The following PBX3 variants were observed in gnomAD, a reference collection of about 807,000 sequenced individuals.
PBX3 encodes PBX homeobox 3.
Under a neutral mutation model 48.5 loss-of-function variants are expected in PBX3, and 14 were observed. The ratio of observed to expected loss-of-function variants is 0.29; its 90% CI spans 0.19 to 0.45. The LOEUF is 0.45. Ranked by LOEUF, PBX3 falls within the 20% of genes least tolerant of loss-of-function variation. The probability of loss-of-function intolerance (pLI) is 1.00; values close to 1 mark genes in which losing one functional copy is unlikely to be tolerated. For missense variants in PBX3, 386 were observed against 546.7 expected, an observed-to-expected ratio of 0.71 and a Z score of 2.93; for synonymous variants, 210 against 200.3, an observed-to-expected ratio of 1.05 and a Z score of -0.41.
At chr9:125,911,833 T>C (rs543430492) in intron 2 of PBX3, among the ~76,000 whole-genome samples, 16 of 152,314 alleles carry the variant, frequency 1.1e-4, no homozygotes, top group African/African-American at 3.6e-4. Context: ...TAATGTACTC[T>C]TTACTAAGTA....
At chr9:125,763,492 G>A (rs1421568430) in intron 2 of PBX3, among the ~76,000 whole-genome samples, 2 of 152,196 alleles carry the variant, frequency 1.3e-5, no homozygotes, top group Non-Finnish European at 2.9e-5. Context: ...CTTGTTACAT[G>A]GAAGGGTTGG....
intron 2 of PBX3, among the ~76,000 whole-genome samples, chr9:125,805,745 C>T (rs1344402187): frequency 6.6e-6 from 1 of 152,074 alleles, no homozygotes; most frequent in African/African-American, 2.4e-5. Context: ...ATAGAAAGTA[C>T]AGTGGGAATA....
At chr9:125,835,430 A>G (rs1839103922) in intron 2 of PBX3, among the ~76,000 whole-genome samples, 1 of 152,144 alleles carries the variant, frequency 6.6e-6, no homozygotes. Context: ...CAAAGAGACC[A>G]CCTACAGAAT....
At chr9:125,916,599 A>G (rs1841340612) in intron 3 of PBX3, among the ~76,000 whole-genome samples, 1 of 152,238 alleles carries the variant, frequency 6.6e-6, no homozygotes, top group Admixed American at 6.5e-5. Flanking sequence ...ATCTTTATGT[A>G]ACACCAAGAA....
At chr9:125,941,354 ACTTGGG>A (rs1476438381) in intron 5 of PBX3, among the ~76,000 whole-genome samples, 1 of 152,186 alleles carries the variant, frequency 6.6e-6, no homozygotes, top group Non-Finnish European at 1.5e-5. Flanking sequence ...CATGGTGATG[ACTTGGG>A]CTTTCACTGT....
At chr9:125,895,258 A>G (rs996247258) in intron 2 of PBX3, among the ~76,000 whole-genome samples, 3 of 152,134 alleles carry the variant, frequency 2.0e-5, no homozygotes, top group African/African-American at 7.2e-5. Context: ...GTGATAAGAC[A>G]TACCTGTAAG....
chr9:125,895,388 AT>A (rs991914854), intron 2 of PBX3, among the ~76,000 whole-genome samples: 4 of 152,108 alleles, frequency 2.6e-5, no homozygotes, highest in African/African-American at 9.6e-5. Context: ...TGATATACAA[AT>A]TTTGAAGTAT....
At chr9:125,824,167 A>G (rs1324510365) in intron 2 of PBX3, among the ~76,000 whole-genome samples, 1 of 152,078 alleles carries the variant, frequency 6.6e-6, no homozygotes, top group Non-Finnish European at 1.5e-5. Flanking sequence ...TACTATTATT[A>G]TTTTTAGCTT....
At chr9:125,797,279 T>G (rs936718844) in intron 2 of PBX3, 1 of 152,158 alleles carries the variant, frequency 6.6e-6, no homozygotes, top group East Asian at 1.9e-4. Context: ...TTCAGTAAAA[T>G]TTAAATTACT....
chr9:125,935,520 A>G lies in PBX3; in HGVS notation c.756A>G (p.Glu252=), dbSNP rs1415140828. The stretch of plus-strand genomic sequence containing the variant: ...AACAGGCCACAGAAATCTTGAATGA[A>G]TATTTTTACTCACACCTCAGCAACC... ...FSKQATEILN[E]YFYSHLSNPY... The change falls in exon 5 of 9, where the codon GAA becomes GAG. Residue 252 remains glutamate, a synonymous_variant. Transcript: ENST00000373489. 6.2e-7 allele frequency: 1 copy of G among 1,613,798 alleles called. No individual in the cohort carries two copies. The highest frequency in any genetic ancestry group is 8.5e-7 in the Non-Finnish European group (1 of 1,179,754).
intron 2 of PBX3, among the ~76,000 whole-genome samples, chr9:125,799,287 C>A (rs140646202): frequency 3.0e-3 from 450 of 152,206 alleles, no homozygotes; most frequent in Non-Finnish European, 3.7e-3. Context: ...CCAAGGTGGG[C>A]GGATCATGTG....
At chr9:125,794,564 A>T (rs991841268) in intron 2 of PBX3, among the ~76,000 whole-genome samples, 1 of 151,926 alleles carries the variant, frequency 6.6e-6, no homozygotes, top group African/African-American at 2.4e-5. Flanking sequence ...CTATGTCACC[A>T]TTTTCAATTT....
chr9:125,872,789 C>T (rs1361582014), intron 2 of PBX3, among the ~76,000 whole-genome samples: 2 of 150,900 alleles, frequency 1.3e-5, no homozygotes, highest in Non-Finnish European at 3.0e-5. Context: ...TAATAATAAA[C>T]ATTTCTAGAG....
intron 4 of PBX3, among the ~76,000 whole-genome samples, chr9:125,934,048 T>C (rs981586714): frequency 1.3e-5 from 2 of 152,224 alleles, no homozygotes; most frequent in South Asian, 4.1e-4. Flanking sequence ...CACCTCCCCA[T>C]CCAGTTCATC....
At chr9:125,840,699 T>A (rs1427454541) in intron 2 of PBX3, among the ~76,000 whole-genome samples, 1 of 152,084 alleles carries the variant, frequency 6.6e-6, no homozygotes, top group African/African-American at 2.4e-5. Flanking sequence ...TAAAATATGC[T>A]ATATGTCTTT....
intron 2 of PBX3, among the ~76,000 whole-genome samples, chr9:125,784,326 G>T (rs773746770): frequency 6.6e-6 from 1 of 151,908 alleles, no homozygotes; most frequent in African/African-American, 2.4e-5. Context: ...ACGGGGTTTC[G>T]CCATGTTGGC....
In PBX3 at chr9:125,803,420, TA is replaced by T. The variant is rs541416205; in HGVS notation, c.274+54808del. ...ATGTCTTTTATAAGAAAAGTAAAAG[TA>T]AAAAAAAAAATTATTTTCCAGGATT... is the stretch of plus-strand genomic sequence containing the variant. On this transcript the variant is annotated intron_variant, in intron 2 of 8. Transcript: ENST00000373489. Among the ~76,000 whole-genome samples, 1,063 of 148,670 alleles carry T rather than the reference TA, an allele frequency of 7.2e-3. 4 individuals are homozygous for T. The highest frequency in any genetic ancestry group is 0.01 in the Non-Finnish European group (668 of 66,758).
chr9:125,916,679 TA>T (rs986182413), intron 3 of PBX3, among the ~76,000 whole-genome samples: 1 of 152,198 alleles, frequency 6.6e-6, no homozygotes, highest in African/African-American at 2.4e-5. Context: ...TCAGAGATGT[TA>T]AAATGTGGAG....
intron 2 of PBX3, among the ~76,000 whole-genome samples, chr9:125,815,818 C>T (rs1401671796): frequency 6.6e-6 from 1 of 152,042 alleles, no homozygotes; most frequent in Non-Finnish European, 1.5e-5. Context: ...AGGTTGGAGC[C>T]TCTGTCAGTC....
Sources: gnomAD v4.1 joint callset for allele counts (sites outside exome capture counted in the v4.1 genomes callset) on GRCh38, gnomAD v4.1.1 for gene constraint, MANE v1.5 for transcripts, NCBI Gene and HGNC (gene_info 2026-07-23, HGNC 2026-07-21) for gene names.